LRP1B: variants seen among roughly 807,000 people sequenced by gnomAD.
LRP1B encodes low-density lipoprotein receptor-related protein 1B.
A neutral mutation model predicts 556.6 loss-of-function variants in LRP1B; 217 were observed. That is an observed-to-expected ratio of 0.39 (90% CI 0.35 to 0.44). LRP1B has a LOEUF of 0.44. LRP1B is among the 20% of genes least tolerant of loss of function. The pLI is 1.00. For missense variants in LRP1B, 5,053 were observed against 5,620.8 expected, an observed-to-expected ratio of 0.90 and a Z score of 3.23; for synonymous variants, 2,047 against 1,865.8, an observed-to-expected ratio of 1.10 and a Z score of -2.50.
chr2:140,458,508 AAAT>A (rs1687192821), intron 60 of LRP1B, among the ~76,000 whole-genome samples: 1 of 152,132 alleles, frequency 6.6e-6, no homozygotes, highest in Admixed American at 6.6e-5. Flanking sequence ...CAAGACTGAC[AAAT>A]AATAAATGGA....
At chr2:140,697,820 T>C (rs1249433617) in intron 41 of LRP1B, among the ~76,000 whole-genome samples, 2 of 152,062 alleles carry the variant, frequency 1.3e-5, no homozygotes, top group South Asian at 4.1e-4. Context: ...AGAGTTTCTA[T>C]TTGAAGTGAT....
At chr2:141,035,376 A>AAT (rs1558815116) in intron 11 of LRP1B, among the ~76,000 whole-genome samples, 43 of 141,590 alleles carry the variant, frequency 3.0e-4, no homozygotes, top group African/African-American at 8.5e-4. Flanking sequence ...ATAATAATAA[A>AAT]AAAATCTTTT....
intron 1 of LRP1B, among the ~76,000 whole-genome samples, chr2:141,850,855 A>G (rs1697827279): frequency 6.6e-6 from 1 of 151,560 alleles, no homozygotes; most frequent in African/African-American, 2.4e-5. Flanking sequence ...GGAATGCTTT[A>G]TTTTTTTCCT....
rs898222676 is a variant in LRP1B at position 141,301,155 on chromosome 2, TA to T, written c.344-46515del. Among the ~76,000 whole-genome samples the T allele has an allele frequency of 7.9e-5, 12 of 152,192 alleles. No individual in the cohort carries two copies. In the South Asian group the frequency reaches 8.3e-4, roughly 10 times the overall value. ...ATTTTCCTTAAAATTTTTCATACTT[TA>T]CCTATTAGTCCACATTCTCTAGGGT... On this transcript the variant is annotated intron_variant, in intron 3 of 90. Coordinates refer to ENST00000389484, the MANE Select transcript of LRP1B (RefSeq NM_018557.3).
chr2:140,701,118 C>A (rs1488369085), intron 40 of LRP1B, among the ~76,000 whole-genome samples: 1 of 32,748 alleles, frequency 3.1e-5, no homozygotes, highest in Admixed American at 3.8e-4. Flanking sequence ...CTTAAAATTT[C>A]TTCACCAGTC....
intron 41 of LRP1B, among the ~76,000 whole-genome samples, chr2:140,690,590 T>C (rs1182903863): frequency 6.6e-6 from 1 of 152,190 alleles, no homozygotes; most frequent in African/African-American, 2.4e-5. Context: ...AAATTTTGAA[T>C]TCATGGAAGC....
At chr2:140,725,201 C>T (rs1355302707) in intron 35 of LRP1B, among the ~76,000 whole-genome samples, 1 of 152,150 alleles carries the variant, frequency 6.6e-6, no homozygotes, top group African/African-American at 2.4e-5. Context: ...AAAAATTACT[C>T]TTTTAAAGAT....
chr2:140,677,331 G>A (rs1685705567), intron 41 of LRP1B, among the ~76,000 whole-genome samples: 1 of 152,156 alleles, frequency 6.6e-6, no homozygotes, highest in Non-Finnish European at 1.5e-5. Flanking sequence ...AACCTTGGTG[G>A]CAATAGGAAA....
intron 5 of LRP1B, among the ~76,000 whole-genome samples, chr2:141,238,957 G>A (rs114726236): frequency 4.6e-4 from 70 of 152,104 alleles, no homozygotes; most frequent in Non-Finnish European, 8.2e-4. Flanking sequence ...GTCTAGAGCC[G>A]TCATAACTGG....
intron 41 of LRP1B, among the ~76,000 whole-genome samples, chr2:140,615,105 C>CA (rs1683211174): frequency 6.6e-6 from 1 of 152,116 alleles, no homozygotes. Flanking sequence ...GAGGCCTCCC[C>CA]AAATGCTCCT....
In LRP1B at chr2:140,769,285, G is replaced by A. The variant is rs760938200; in HGVS notation, c.5686C>T (p.Pro1896Ser). The A allele has an allele frequency of 1.2e-6, 2 of 1,612,030 alleles. No homozygotes were observed. The highest frequency in any genetic ancestry group is 1.7e-6 in the Non-Finnish European group (2 of 1,178,556). Reference protein sequence around the residue: ...HEGIRGIPLEPSDKMDALMPI... With the variant: ...HEGIRGIPLESSDKMDALMPI... Reference sequence around the variant, plus strand: ...ATCAAAGCATCCATTTTGTCACTTGGTTCAAGAGGTATTCCCCTGATTCCT... The same window carrying A: ...ATCAAAGCATCCATTTTGTCACTTGATTCAAGAGGTATTCCCCTGATTCCT... Residue 1896 changes from proline to serine, a missense_variant, in exon 35 of 91, where the codon CCA becomes TCA. Transcript: ENST00000389484.
At chr2:141,123,236 T>C (rs1267492164) in intron 7 of LRP1B, among the ~76,000 whole-genome samples, 1 of 131,078 alleles carries the variant, frequency 7.6e-6, no homozygotes, top group Non-Finnish European at 1.6e-5. Flanking sequence ...GAACTTAAAG[T>C]ATAATAAAAA....
chr2:140,411,620 G>A (rs1180929345), intron 66 of LRP1B, among the ~76,000 whole-genome samples: 3 of 151,938 alleles, frequency 2.0e-5, no homozygotes. Flanking sequence ...ACCGCAATTA[G>A]GCAAAGGATT....
chr2:141,956,385 C>T (rs540478064), intron 1 of LRP1B, among the ~76,000 whole-genome samples: 74 of 152,168 alleles, frequency 4.9e-4, no homozygotes, highest in Non-Finnish European at 8.5e-4. Flanking sequence ...ATCCAGTTTA[C>T]ACTCATTACC....
chr2:140,440,242 A>G (rs1414725660), intron 66 of LRP1B, among the ~76,000 whole-genome samples: 1 of 152,146 alleles, frequency 6.6e-6, no homozygotes, highest in Non-Finnish European at 1.5e-5. Context: ...CACAAACTGA[A>G]ATAAAAATGG....
intron 2 of LRP1B, among the ~76,000 whole-genome samples, chr2:141,714,406 T>G (rs1692489345): frequency 6.6e-6 from 1 of 151,374 alleles, no homozygotes; most frequent in Non-Finnish European, 1.5e-5. Context: ...TTTTTGGTTT[T>G]CTCAAAAAAA....
intron 1 of LRP1B, among the ~76,000 whole-genome samples, chr2:142,096,140 C>A (rs1244671551): frequency 6.6e-6 from 1 of 151,664 alleles, no homozygotes; most frequent in African/African-American, 2.4e-5. Flanking sequence ...GTTCTACAGA[C>A]TTCTTTTATT....
At chr2:141,888,460 A>G (rs1001324735) in intron 1 of LRP1B, among the ~76,000 whole-genome samples, 1 of 152,126 alleles carries the variant, frequency 6.6e-6, no homozygotes, top group African/African-American at 2.4e-5. Context: ...GCTGGGAGAG[A>G]CCTGAATCAA....
At chr2:140,642,843 C>A (rs1002961883) in intron 41 of LRP1B, among the ~76,000 whole-genome samples, 7 of 151,508 alleles carry the variant, frequency 4.6e-5, no homozygotes, top group African/African-American at 1.7e-4. Flanking sequence ...GACTCTGTCT[C>A]AGAAAAACAA....
Sources: allele counts gnomAD v4.1 joint callset (sites outside exome capture counted in the v4.1 genomes callset), GRCh38; gene constraint gnomAD v4.1.1; transcripts MANE v1.5; gene names NCBI Gene and HGNC (gene_info 2026-07-23, HGNC 2026-07-21).